The following ENTREP2 variants were observed in gnomAD, a reference collection of about 807,000 sequenced individuals.
ENTREP2 encodes endosomal transmembrane epsin interactor 2.
chr15:29,577,347 T>A, the ENTREP2 span, among the ~76,000 whole-genome samples: 24,594 of 149,510 alleles, frequency 0.16, 2,910 homozygotes, highest in East Asian at 0.49. Flanking sequence ...TGTGTGTGTG[T>A]GTGAGAGAGA....
the ENTREP2 span, among the ~76,000 whole-genome samples, chr15:29,408,553 A>G: frequency 4.6e-3 from 708 of 152,282 alleles, 2 homozygotes; most frequent in Middle Eastern, 0.01. Context: ...ATCTCCTTTC[A>G]GTTCTGAGAA....
At chr15:29,619,876 T>C in the ENTREP2 span, among the ~76,000 whole-genome samples, 2 of 152,034 alleles carry the variant, frequency 1.3e-5, no homozygotes, top group Non-Finnish European at 2.9e-5. Context: ...CCATCTCTCA[T>C]GGCCTCTGTG....
chr15:29,636,451 C>G, the ENTREP2 span, among the ~76,000 whole-genome samples: 1 of 152,212 alleles, frequency 6.6e-6, no homozygotes, highest in Non-Finnish European at 1.5e-5. Flanking sequence ...CGCCCTGCAG[C>G]TTAGAGCCCA....
chr15:29,654,111 G>A, the ENTREP2 span, among the ~76,000 whole-genome samples: 4 of 152,026 alleles, frequency 2.6e-5, no homozygotes, highest in Admixed American at 2.0e-4. Context: ...TTAAATATTA[G>A]ACCCATCCAA....
the ENTREP2 span, among the ~76,000 whole-genome samples, chr15:29,371,942 A>AGATAG: frequency 6.6e-6 from 1 of 152,106 alleles, no homozygotes; most frequent in Non-Finnish European, 1.5e-5. Flanking sequence ...ATAGATAGAT[A>AGATAG]GATAGATAAA....
chr15:29,171,129 G>A, the ENTREP2 span, among the ~76,000 whole-genome samples: 4 of 152,218 alleles, frequency 2.6e-5, no homozygotes, highest in Non-Finnish European at 4.4e-5. Flanking sequence ...CCACTCTCAC[G>A]ACCCAATCAC....
At chr15:29,488,962 G>C in the ENTREP2 span, among the ~76,000 whole-genome samples, 1 of 152,212 alleles carries the variant, frequency 6.6e-6, no homozygotes, top group Non-Finnish European at 1.5e-5. Context: ...GGGGCTAGGA[G>C]AGGGGAAATA....
the ENTREP2 span, among the ~76,000 whole-genome samples, chr15:29,519,623 C>T: frequency 6.6e-6 from 1 of 152,066 alleles, no homozygotes; most frequent in African/African-American, 2.4e-5. Flanking sequence ...TGTTAATTGA[C>T]CGTGTTTATT....
the ENTREP2 span, among the ~76,000 whole-genome samples, chr15:29,148,879 A>AT: frequency 0.025 from 3,597 of 142,528 alleles, 93 homozygotes; most frequent in African/African-American, 0.07. Context: ...TTTTTTTTTA[A>AT]TTTTTTTTTT....
chr15:29,119,098 G>T, the ENTREP2 span, among the ~76,000 whole-genome samples: 2 of 152,150 alleles, frequency 1.3e-5, no homozygotes, highest in Non-Finnish European at 2.9e-5. Flanking sequence ...CATGACCTTG[G>T]CCATCAGGGG....
the ENTREP2 span, among the ~76,000 whole-genome samples, chr15:29,151,350 T>G: frequency 1.3e-5 from 2 of 152,142 alleles, no homozygotes; most frequent in Non-Finnish European, 2.9e-5. Flanking sequence ...AGAACTGATC[T>G]TCTAACACCT....
At chr15:29,577,349 TGAGA>T in the ENTREP2 span, among the ~76,000 whole-genome samples, 4 of 144,336 alleles carry the variant, frequency 2.8e-5, no homozygotes, top group Admixed American at 1.4e-4. Context: ...TGTGTGTGTG[TGAGA>T]GAGAGAAAGG....
At chr15:29,557,988 A>G in the ENTREP2 span, among the ~76,000 whole-genome samples, 1 of 152,232 alleles carries the variant, frequency 6.6e-6, no homozygotes, top group African/African-American at 2.4e-5. Flanking sequence ...ATGGTTTGGA[A>G]ACAGCAATAA....
chr15:29,124,694 A>AGTTG, the ENTREP2 span: 4 of 1,550,594 alleles, frequency 2.6e-6, no homozygotes, highest in South Asian at 4.8e-5. Context: ...CACCGCTCCC[A>AGTTG]GGCACAGCCT....
the ENTREP2 span, among the ~76,000 whole-genome samples, chr15:29,326,693 T>C: frequency 6.6e-6 from 1 of 152,128 alleles, no homozygotes; most frequent in Non-Finnish European, 1.5e-5. Context: ...AAAACTATTT[T>C]GTAGATAAAA....
the ENTREP2 span, among the ~76,000 whole-genome samples, chr15:29,350,540 A>G: frequency 6.6e-6 from 1 of 152,216 alleles, no homozygotes; most frequent in African/African-American, 2.4e-5. Flanking sequence ...TCAAACAGAA[A>G]TTTAAGTTTA....
the ENTREP2 span, among the ~76,000 whole-genome samples, chr15:29,487,685 T>C: frequency 2.0e-5 from 3 of 152,126 alleles, no homozygotes; most frequent in Middle Eastern, 3.2e-3. Context: ...ATATGCAAAA[T>C]GTCCAGGCGT....
At chr15:29,556,019 C>T in the ENTREP2 span, among the ~76,000 whole-genome samples, 1 of 152,180 alleles carries the variant, frequency 6.6e-6, no homozygotes, top group African/African-American at 2.4e-5. Flanking sequence ...TTTGAAAGGC[C>T]AAGGCAGGTG....
the ENTREP2 span, among the ~76,000 whole-genome samples, chr15:29,275,970 A>G: frequency 6.6e-6 from 1 of 152,254 alleles, no homozygotes; most frequent in African/African-American, 2.4e-5. Flanking sequence ...AGACAGCAGG[A>G]AAAGCAATCC....
Sources: gnomAD v4.1 joint callset for allele counts (sites outside exome capture counted in the v4.1 genomes callset) on GRCh38, gnomAD v4.1.1 for gene constraint, MANE v1.5 for transcripts, NCBI Gene and HGNC (gene_info 2026-07-23, HGNC 2026-07-21) for gene names.